IST1: variants seen among roughly 807,000 people sequenced by gnomAD.
IST1 encodes the protein IST1 homolog.
IST1 carries 23 observed loss-of-function variants against 37.0 expected under a neutral mutation model. The ratio of observed to expected loss-of-function variants is 0.62; its 90% CI spans 0.45 to 0.88. The LOEUF (loss-of-function observed/expected upper bound fraction) is 0.88. Among genes scored for constraint, IST1 ranks in the 40% least tolerant of loss-of-function variants. The probability of loss-of-function intolerance (pLI) is 0.00; values close to 1 mark genes in which losing one functional copy is unlikely to be tolerated. For missense variants in IST1, 488 were observed against 445.4 expected, an observed-to-expected ratio of 1.10 and a Z score of -0.86; for synonymous variants, 180 against 161.7, an observed-to-expected ratio of 1.11 and a Z score of -0.86.
chr16:71,928,178 C>T lies in IST1; in HGVS notation c.*365C>T, dbSNP rs181597687. On this transcript the variant is annotated 3_prime_UTR_variant, in exon 10 of 10. Transcript: ENST00000378799. ...GATGGCTGGACAGTGGGAGAGAGCA[C>T]GTTGTGAAGCATCCCAGCCTCGTGT... 100 of 275,768 alleles carry T rather than the reference C, an allele frequency of 3.6e-4. 1 individual carries two copies. In the East Asian group the frequency reaches 6.6e-3, roughly 18 times the overall value. 17.1% of individuals were successfully genotyped at this position (275,768 alleles called of 1,614,324 possible).
chr16:71,917,098 T>C lies in IST1; in HGVS notation c.321T>C (p.Ala107=), dbSNP rs528613945. The C allele has an allele frequency of 8.0e-5, 129 of 1,612,738 alleles. 2 individuals carry two copies. The South Asian group carries it at 1.3e-3, about 16-fold the overall frequency. The change falls in exon 4 of 10, where the codon GCT becomes GCC. Residue 107 remains alanine (A), a synonymous_variant. Transcript: ENST00000378799. The part of the protein sequence containing the change: ...AESVSTLIWA[A]PRLQSEVAEL... ...CTGTGTCTACATTGATCTGGGCTGC[T>C]CCTCGACTCCAGTCAGAAGTGGCTG... is the stretch of plus-strand genomic sequence containing the variant.
intron 1 of IST1, among the ~76,000 whole-genome samples, chr16:71,899,783 G>C (rs2037060844): frequency 6.6e-6 from 1 of 152,006 alleles, no homozygotes; most frequent in Non-Finnish European, 1.5e-5. Context: ...CAGCACTTCG[G>C]GAGGCCGAGG....
chr16:71,897,883 A>T (rs1190284684), intron 1 of IST1, among the ~76,000 whole-genome samples: 1 of 152,194 alleles, frequency 6.6e-6, no homozygotes, highest in Non-Finnish European at 1.5e-5. Flanking sequence ...CGAGAGGCGG[A>T]GGTTGCAGTG....
chr16:71,919,055 A>T (rs575106308), intron 4 of IST1, among the ~76,000 whole-genome samples: 20 of 152,246 alleles, frequency 1.3e-4, no homozygotes, highest in African/African-American at 4.6e-4. Flanking sequence ...CTTTTAATCT[A>T]TTCACACCAT....
Position 71,929,738 on chromosome 16 carries a change from G to A in IST1, c.*1925G>A. 1 of 1,391,142 alleles carries A rather than the reference G, an allele frequency of 7.2e-7. No homozygotes were observed. The highest frequency in any genetic ancestry group is 9.7e-7 in the Non-Finnish European group (1 of 1,033,420). 86.2% of individuals were successfully genotyped at this position (1,391,142 alleles called of 1,614,324 possible). ...AATTGAAATTACTGCTAATAGTGGA[G>A]TAAAAAAAGTACCAAAGATTTTTAA... On this transcript the variant is annotated 3_prime_UTR_variant, in exon 10 of 10. Coordinates refer to ENST00000378799, the MANE Select transcript of IST1 (RefSeq NM_001270975.2).
intron 9 of IST1, among the ~76,000 whole-genome samples, chr16:71,927,275 G>T (rs2037766354): frequency 6.6e-6 from 1 of 152,060 alleles, no homozygotes; most frequent in Non-Finnish European, 1.5e-5. Flanking sequence ...GAGGTGTGTG[G>T]ATCACTTGAG....
At chr16:71,912,567 AATAGTTTT>A in intron 1 of IST1, among the ~76,000 whole-genome samples, 1 of 152,282 alleles carries the variant, frequency 6.6e-6, no homozygotes, top group South Asian at 2.1e-4. Context: ...ATCCTATGTT[AATAGTTTT>A]ATTTTAGCTC....
intron 9 of IST1, among the ~76,000 whole-genome samples, chr16:71,926,013 G>A (rs1304206169): frequency 6.6e-6 from 1 of 152,092 alleles, no homozygotes; most frequent in Non-Finnish European, 1.5e-5. Context: ...CGGGTGCGGT[G>A]GCTCACCCCT....
chr16:71,924,645 TCTTTGGAACA>T lies in IST1; in HGVS notation c.853-123_853-114del, dbSNP rs1287356060. ...GATTGGAAAAAATGCAGGGGCAGTT[TCTTTGGAACA>T]GGCTCTGTTGCATTTGGTGAGCAAC... On this transcript the variant is annotated intron_variant, in intron 8 of 9. Coordinates refer to ENST00000378799, the MANE Select transcript of IST1 (RefSeq NM_001270975.2). 11 of 743,474 alleles carry T rather than the reference TCTTTGGAACA, an allele frequency of 1.5e-5. No individual in the cohort carries two copies. In the African/African-American group the frequency reaches 1.9e-4, roughly 13 times the overall value. 46.1% of individuals were successfully genotyped at this position (743,474 alleles called of 1,614,324 possible). A position where few individuals can be genotyped will look rare whatever the true frequency, so the allele number is the denominator to read the frequency against.
intron 5 of IST1, 54 bp from the exon 6 acceptor site, chr16:71,921,289 G>C: frequency 9.6e-7 from 1 of 1,044,312 alleles, no homozygotes; most frequent in South Asian, 1.3e-5. Context: ...AGTGAGGTGA[G>C]GATTAGGCTG....
In IST1 at chr16:71,928,095, A is replaced by C; in HGVS notation, c.*282A>C. The C allele has an allele frequency of 2.4e-6, 1 of 412,464 alleles. No homozygotes were observed. The highest frequency in any genetic ancestry group is 4.5e-6 in the Non-Finnish European group (1 of 219,916). 25.6% of individuals were successfully genotyped at this position (412,464 alleles called of 1,614,324 possible). ...CCCAGGTTTCCTCCTGGCCCGTCCC[A>C]TGGTCCCTCCACAGGAGTGTGAGAG... On this transcript the variant is annotated 3_prime_UTR_variant, in exon 10 of 10. Coordinates refer to ENST00000378799, the MANE Select transcript of IST1 (RefSeq NM_001270975.2).
At chr16:71,909,460 A>G (rs746948361) in intron 1 of IST1, among the ~76,000 whole-genome samples, 5 of 152,080 alleles carry the variant, frequency 3.3e-5, no homozygotes, top group East Asian at 1.9e-4. Context: ...TACTACCACA[A>G]AATGCATACA....
rs2037924055 is a variant in IST1, at chr16:71,930,772, CTG to C, written c.*2961_*2962del. 1 of 152,030 alleles carries C rather than the reference CTG, an allele frequency of 6.6e-6. No homozygotes were observed. Among genetic ancestry groups the C allele is most frequent in the Non-Finnish European group, 1.5e-5 (1 of 67,996 alleles). The allele number at this position is 152,030 out of a possible 1,614,324, so 9.4% of individuals were successfully genotyped here. On this transcript the variant is annotated 3_prime_UTR_variant, in exon 10 of 10. Transcript: ENST00000378799. ...ATTGGAATGGTTCCCATAACAAAAA[CTG>C]TTGTTTAAAATTTAGATGTTCTTTT...
chr16:71,925,316 A>G (rs75461456), intron 9 of IST1, among the ~76,000 whole-genome samples: 8 of 78,820 alleles, frequency 1.0e-4, no homozygotes, highest in Non-Finnish European at 7.9e-5. Flanking sequence ...CCCCCAGCTG[A>G]TTTTTTTTTT....
chr16:71,895,652 T>G, intron 1 of IST1, 63 bp downstream of exon 1: 1 of 676,996 alleles, frequency 1.5e-6, no homozygotes, highest in Non-Finnish European at 1.8e-6. Context: ...GCTCCTGATT[T>G]AGCGGTCTCT....
chr16:71,910,121 A>T (rs1025637160), intron 1 of IST1, among the ~76,000 whole-genome samples: 2 of 152,172 alleles, frequency 1.3e-5, no homozygotes, highest in Admixed American at 1.3e-4. Context: ...ACTTTGGTCA[A>T]GTGTGGTCTA....
rs373292110 is a variant in IST1, at chr16:71,912,328, C to T, written c.-15-3298C>T. On this transcript the variant is annotated intron_variant, in intron 1 of 9. Transcript: ENST00000378799. ...TCTCAGCTTACTGCAAGCTCCGCCTCCTGGGTTCACGCCATTCTCTTGCCT... is the reference window on the plus strand; with the variant it reads ...TCTCAGCTTACTGCAAGCTCCGCCTTCTGGGTTCACGCCATTCTCTTGCCT... 2.6e-5 allele frequency among the ~76,000 whole-genome samples: 4 copies of T among 152,226 alleles called. 1 individual carries two copies. The highest frequency in any genetic ancestry group is 2.6e-4 in the Admixed American group (4 of 15,294).
At position 71,922,620 on chromosome 16, in the gene IST1, CATG is replaced by C; in HGVS notation, c.700_702del (p.Met234del). The stretch of plus-strand genomic sequence containing the variant: ...ATGGAACGGTGCCAATGCCCATGCC[CATG>C]CCCATGCCTATGCCATCTGCAAATA... On this transcript the variant is annotated inframe_deletion, in exon 7 of 10. Transcript: ENST00000378799. The C allele has an allele frequency of 6.2e-7, 1 of 1,612,576 alleles. No individual in the cohort carries two copies. The highest frequency in any genetic ancestry group is 8.5e-7 in the Non-Finnish European group (1 of 1,178,814).
intron 1 of IST1, among the ~76,000 whole-genome samples, chr16:71,906,403 G>T (rs1357954290): frequency 6.6e-6 from 1 of 151,914 alleles, no homozygotes; most frequent in Non-Finnish European, 1.5e-5. Context: ...TACCTACTGT[G>T]TTCAAGCGGT....
Sources: gnomAD v4.1 joint callset for allele counts (sites outside exome capture counted in the v4.1 genomes callset) on GRCh38, gnomAD v4.1.1 for gene constraint, MANE v1.5 for transcripts, NCBI Gene and HGNC (gene_info 2026-07-23, HGNC 2026-07-21) for gene names.